Variants in RARB observed in about 807,000 individuals in gnomAD.
RARB encodes the protein retinoic acid receptor beta, also known as HBV-activated protein.
A neutral mutation model predicts 51.9 loss-of-function variants in RARB; 17 were observed. That is an observed-to-expected ratio of 0.33 (90% CI 0.22 to 0.49). The LOEUF is 0.49. Ranked by LOEUF, RARB falls within the 20% of genes least tolerant of loss-of-function variation. The pLI is 0.99. For synonymous variants in RARB, 215 were observed against 195.4 expected, an observed-to-expected ratio of 1.10 and a Z score of -0.84; for missense variants, 369 against 550.8, an observed-to-expected ratio of 0.67 and a Z score of 3.30.
intron 5 of RARB, among the ~76,000 whole-genome samples, chr3:25,235,892 T>C (rs995153020): frequency 3.3e-5 from 5 of 152,216 alleles, no homozygotes; most frequent in Non-Finnish European, 7.4e-5. Flanking sequence ...CACTACTTAT[T>C]TGAATACTAG....
At chr3:25,362,287 G>A (rs1705966814) in intron 5 of RARB, among the ~76,000 whole-genome samples, 1 of 152,168 alleles carries the variant, frequency 6.6e-6, no homozygotes, top group Non-Finnish European at 1.5e-5. Flanking sequence ...TCTTTACACT[G>A]TGAAGGGAAA....
At chr3:25,287,489 C>T (rs1274455179) in intron 5 of RARB, among the ~76,000 whole-genome samples, 1 of 152,142 alleles carries the variant, frequency 6.6e-6, no homozygotes, top group African/African-American at 2.4e-5. Flanking sequence ...ATTAGGAGGG[C>T]AGGAGGGGGA....
chr3:24,981,532 G>A (rs1037250253), intron 2 of RARB, among the ~76,000 whole-genome samples: 2 of 152,102 alleles, frequency 1.3e-5, no homozygotes, highest in Non-Finnish European at 1.5e-5. Context: ...GTCCCAGGTC[G>A]ATCCCAGACT....
intron 2 of RARB, among the ~76,000 whole-genome samples, chr3:24,944,586 C>T (rs758380935): frequency 6.6e-6 from 1 of 152,184 alleles, no homozygotes; most frequent in Non-Finnish European, 1.5e-5. Context: ...GACCCTGTGC[C>T]TGTCATTCAG....
intron 3 of RARB, among the ~76,000 whole-genome samples, chr3:25,514,279 T>C (rs1172113938): frequency 6.6e-6 from 1 of 152,220 alleles, no homozygotes; most frequent in African/African-American, 2.4e-5. Flanking sequence ...TCACAAAATA[T>C]TAACTGTCAT....
intron 2 of RARB, among the ~76,000 whole-genome samples, chr3:25,038,081 G>C (rs779031347): frequency 1.3e-5 from 2 of 152,124 alleles, no homozygotes; most frequent in Non-Finnish European, 2.9e-5. Flanking sequence ...GCTATTAACT[G>C]TCATGCCCAC....
chr3:25,352,918 C>T (rs942619583), intron 5 of RARB, among the ~76,000 whole-genome samples: 4 of 152,126 alleles, frequency 2.6e-5, no homozygotes, highest in Admixed American at 1.3e-4. Context: ...CTCAAAGACT[C>T]GGCTTTTCTC....
At chr3:25,424,557 A>T (rs1049758321), upstream of RARB, among the ~76,000 whole-genome samples, 8 of 152,216 alleles carry the variant, frequency 5.3e-5, no homozygotes, top group Non-Finnish European at 7.3e-5. Context: ...AAAAAAAATT[A>T]AAAAACAAAC....
intron 1 of RARB, among the ~76,000 whole-genome samples, chr3:24,850,356 A>C (rs192657391): frequency 8.5e-5 from 13 of 152,308 alleles, no homozygotes; most frequent in Non-Finnish European, 1.3e-4. Flanking sequence ...CAAAGCCTGA[A>C]ATGTTTCCTG....
chr3:25,016,156 T>G (rs1475347377), intron 2 of RARB, among the ~76,000 whole-genome samples: 1 of 152,196 alleles, frequency 6.6e-6, no homozygotes, highest in African/African-American at 2.4e-5. Context: ...TAACAATTTT[T>G]GGAAGTGCTA....
At chr3:25,528,049 A>G (rs1698730161) in intron 3 of RARB, among the ~76,000 whole-genome samples, 1 of 152,192 alleles carries the variant, frequency 6.6e-6, no homozygotes, top group Non-Finnish European at 1.5e-5. Context: ...CCAAACACTG[A>G]TGTTTGACTA....
chr3:25,453,063 G>C (rs115137188), intron 1 of RARB, among the ~76,000 whole-genome samples: 4,236 of 152,262 alleles, frequency 0.028, 86 homozygotes, highest in Middle Eastern at 0.078. Context: ...CAAAGGGCAA[G>C]TTGACAGAGT....
intron 2 of RARB, among the ~76,000 whole-genome samples, chr3:25,034,556 A>G (rs943354753): frequency 6.6e-6 from 1 of 152,236 alleles, no homozygotes; most frequent in African/African-American, 2.4e-5. Context: ...AGATGTGCAA[A>G]GAGTAAACCT....
intron 5 of RARB, among the ~76,000 whole-genome samples, chr3:25,361,488 A>T (rs1385824211): frequency 1.3e-5 from 2 of 152,154 alleles, no homozygotes; most frequent in South Asian, 2.1e-4. Context: ...CTGTCAATTT[A>T]TCAAACTCAT....
intron 3 of RARB, among the ~76,000 whole-genome samples, chr3:25,549,053 T>C (rs1389855928): frequency 6.6e-6 from 1 of 152,100 alleles, no homozygotes; most frequent in Non-Finnish European, 1.5e-5. Flanking sequence ...AGGTTAGTAA[T>C]TATGAATTCC....
intron 7 of RARB, 135 bp downstream of exon 7, chr3:25,594,813 A>C: frequency 1.3e-6 from 1 of 790,978 alleles, no homozygotes; most frequent in Non-Finnish European, 1.8e-6. Context: ...TTGAAATCAA[A>C]AGGAAATACT....
At chr3:24,876,149 T>C (rs1020927629) in intron 2 of RARB, among the ~76,000 whole-genome samples, 4 of 152,176 alleles carry the variant, frequency 2.6e-5, no homozygotes. Context: ...CTTTCATCAC[T>C]TGTTTAAGGT....
chr3:25,007,714 C>T (rs7617653), intron 2 of RARB, among the ~76,000 whole-genome samples: 126,745 of 151,680 alleles, frequency 0.84, 53,410 homozygotes, highest in East Asian at 1. Flanking sequence ...AAGTACCCAC[C>T]ACACAATAAA....
upstream of RARB, among the ~76,000 whole-genome samples, chr3:25,427,376 AC>A (rs1575392686): frequency 6.6e-6 from 1 of 152,204 alleles, no homozygotes; most frequent in Admixed American, 6.5e-5. Flanking sequence ...TGCCCATTTT[AC>A]AGATGAGGAA....
Sources: allele counts gnomAD v4.1 joint callset (sites outside exome capture counted in the v4.1 genomes callset), GRCh38; gene constraint gnomAD v4.1.1; transcripts MANE v1.5; gene names NCBI Gene and HGNC (gene_info 2026-07-23, HGNC 2026-07-21).